Variants in RTN1 observed in about 807,000 individuals in gnomAD.
RTN1 encodes the protein reticulon 1.
In RTN1, 25 loss-of-function variants were observed where a neutral mutation model predicts 65.5. That is an observed-to-expected ratio of 0.38 (90% CI 0.28 to 0.53). RTN1 has a LOEUF of 0.53. RTN1 is among the 20% of genes least tolerant of loss of function. RTN1 has a pLI of 0.79. For synonymous variants in RTN1, 471 were observed against 447.6 expected (o/e 1.05, Z -0.66); for missense variants, 983 against 1,025.4 (o/e 0.96, Z 0.57).
At chr14:59,636,710 A>G (rs569251860) in intron 3 of RTN1, among the ~76,000 whole-genome samples, 2 of 152,350 alleles carry the variant, frequency 1.3e-5, no homozygotes, top group South Asian at 2.1e-4. Flanking sequence ...ACTACAATGA[A>G]GTGAATATTG....
intron 1 of RTN1, among the ~76,000 whole-genome samples, chr14:59,778,184 C>T (rs1886089444): frequency 6.6e-6 from 1 of 152,132 alleles, no homozygotes; most frequent in African/African-American, 2.4e-5. Context: ...TCTATCATGG[C>T]TTCTCTTGGC....
chr14:59,862,279 A>C (rs1887724504), intron 1 of RTN1, among the ~76,000 whole-genome samples: 1 of 152,190 alleles, frequency 6.6e-6, no homozygotes, highest in Non-Finnish European at 1.5e-5. Flanking sequence ...GATATCCATT[A>C]GCGTCTGGTT....
intron 1 of RTN1, among the ~76,000 whole-genome samples, chr14:59,749,414 A>ATATATCTATATATCTATATATATC (rs1885348135): frequency 2.6e-5 from 1 of 38,708 alleles, no homozygotes; most frequent in East Asian, 6.0e-4. Context: ...CTATATCTAT[A>ATATATCTATATATCTATATATATC]TATATCTATA....
rs867546550 is a variant in RTN1 at position 59,727,237 on chromosome 14, G to A, written c.1447C>T (p.Arg483Trp). The A allele has an allele frequency of 1.9e-6, 3 of 1,549,906 alleles. No individual in the cohort carries two copies. In the African/African-American group the frequency reaches 4.1e-5, roughly 21 times the overall value. Residue 483 changes from arginine (R) to tryptophan (W), a missense_variant, in exon 3 of 9, where the codon CGG becomes TGG. This residue lies in a region of RTN1 where 818 missense variants were observed against 801.8 expected (regional missense o/e 1.02). Coordinates refer to ENST00000267484, the MANE Select transcript of RTN1 (RefSeq NM_021136.3). This position sits in a 1 kb window ranked among gnomAD's most constrained non-coding sequence, Gnocchi z 4.2. ...TTCATCGGGGGTGAGTCCTGCTCCC[G>A]CTTGGGGCTCTCCTCCGAGGCCGAG... is the stretch of plus-strand genomic sequence containing the variant. ...ASSASEESPK[R>W]EQDSPPMKPS...
intron 3 of RTN1, among the ~76,000 whole-genome samples, chr14:59,674,130 G>T (rs563781444): frequency 6.6e-6 from 1 of 152,180 alleles, no homozygotes; most frequent in East Asian, 1.9e-4. Flanking sequence ...CAATGTCCCT[G>T]TTTTCTACAT....
intron 3 of RTN1, among the ~76,000 whole-genome samples, chr14:59,653,499 T>C (rs896131310): frequency 1.3e-5 from 2 of 152,106 alleles, no homozygotes; most frequent in Non-Finnish European, 1.5e-5. Flanking sequence ...GTGTATGTAA[T>C]AGACTGCATA....
At chr14:59,744,844 T>G (rs1885182657) in intron 2 of RTN1, among the ~76,000 whole-genome samples, 1 of 152,122 alleles carries the variant, frequency 6.6e-6, no homozygotes, top group Non-Finnish European at 1.5e-5. Flanking sequence ...GAACAGCCAG[T>G]GTGCTCTCCT....
chr14:59,769,120 G>C (rs1024945117), intron 1 of RTN1, among the ~76,000 whole-genome samples: 4 of 152,062 alleles, frequency 2.6e-5, no homozygotes, highest in African/African-American at 9.7e-5. Context: ...TAATCATTAT[G>C]TTATACTGCT....
intron 1 of RTN1, among the ~76,000 whole-genome samples, chr14:59,838,519 C>T (rs1887253847): frequency 1.3e-5 from 2 of 151,950 alleles, no homozygotes; most frequent in Admixed American, 1.3e-4. Context: ...GGATGGAATA[C>T]TAGGCAGACT....
intron 3 of RTN1, among the ~76,000 whole-genome samples, chr14:59,670,778 T>C (rs1336331788): frequency 1.3e-5 from 2 of 152,184 alleles, no homozygotes; most frequent in Admixed American, 6.5e-5. Context: ...AGAAGGTAAA[T>C]GACATCCAGG....
chr14:59,638,372 T>C (rs1413807838), intron 3 of RTN1, among the ~76,000 whole-genome samples: 3 of 152,240 alleles, frequency 2.0e-5, no homozygotes, highest in Admixed American at 2.0e-4. Flanking sequence ...TCTTAAAATA[T>C]TCAGTAAACT....
At chr14:59,602,557 C>T (rs1487093637) in intron 8 of RTN1, among the ~76,000 whole-genome samples, 1 of 152,018 alleles carries the variant, frequency 6.6e-6, no homozygotes, top group South Asian at 2.1e-4. Flanking sequence ...CACATACACA[C>T]AGTTGTCGAG....
intron 1 of RTN1, among the ~76,000 whole-genome samples, chr14:59,819,613 T>C (rs999577775): frequency 4.6e-5 from 7 of 151,938 alleles, no homozygotes; most frequent in African/African-American, 1.7e-4. Flanking sequence ...TTGTCAGCCC[T>C]TGGGCGGTCG....
rs1223978070 is a variant in RTN1 at position 59,618,968 on chromosome 14, T to C, written c.1766-11476A>G. Among the ~76,000 whole-genome samples the C allele has an allele frequency of 4.6e-5, 7 of 151,520 alleles. No homozygotes were observed. In the East Asian group the frequency reaches 1.2e-3, roughly 25 times the overall value. ...GAATATTGAACAATCTTTTGACAAA[T>C]GTTGTCTCGATGCCAACACATCTTG... On this transcript the variant is annotated intron_variant, in intron 3 of 8. Transcript: ENST00000267484.
intron 1 of RTN1, among the ~76,000 whole-genome samples, chr14:59,824,026 A>AAC (rs1205978940): frequency 3.3e-5 from 5 of 152,200 alleles, no homozygotes; most frequent in African/African-American, 1.2e-4. Flanking sequence ...TTTTAAACCA[A>AAC]TTACCTCCTC....
At chr14:59,808,205 G>A (rs560074914) in intron 1 of RTN1, among the ~76,000 whole-genome samples, 15 of 152,214 alleles carry the variant, frequency 9.9e-5, no homozygotes, top group African/African-American at 3.6e-4. Flanking sequence ...TCTTCAGTGT[G>A]GAATGTGAAA....
chr14:59,750,397 A>ATC (rs1885466322), intron 1 of RTN1, among the ~76,000 whole-genome samples: 3 of 52,682 alleles, frequency 5.7e-5, no homozygotes, highest in Non-Finnish European at 6.4e-5. Flanking sequence ...TATATCTATA[A>ATC]TATATATATT....
chr14:59,632,898 C>G (rs1882584792), intron 3 of RTN1, among the ~76,000 whole-genome samples: 1 of 151,960 alleles, frequency 6.6e-6, no homozygotes, highest in South Asian at 2.1e-4. Context: ...AGCTCAAGAC[C>G]AGCCTGGGCA....
intron 1 of RTN1, among the ~76,000 whole-genome samples, chr14:59,850,363 T>C (rs1594766721): frequency 6.6e-6 from 1 of 152,250 alleles, no homozygotes; most frequent in East Asian, 1.9e-4. Flanking sequence ...ACACAAAGCC[T>C]ATTTTATAAT....
Sources: gnomAD v4.1 joint callset for allele counts (sites outside exome capture counted in the v4.1 genomes callset) on GRCh38, gnomAD v4.1.1 for gene constraint, gnomAD v4.1.1 regional missense constraint, Gnocchi (gnomAD v3.1) non-coding constraint, MANE v1.5 for transcripts, NCBI Gene and HGNC (gene_info 2026-07-23, HGNC 2026-07-21) for gene names.